Variants in BMERB1 observed in about 807,000 individuals in gnomAD.
BMERB1 encodes the protein bMERB domain-containing protein 1.
BMERB1 carries 12 observed loss-of-function variants against 23.6 expected under a neutral mutation model. The observed-to-expected ratio is 0.51, with a 90% CI of 0.33 to 0.82. The LOEUF is 0.82. BMERB1 is among the 40% of genes least tolerant of loss of function. The probability of loss-of-function intolerance (pLI) is 0.03; values close to 1 mark genes in which losing one functional copy is unlikely to be tolerated. For synonymous variants in BMERB1, 122 were observed against 96.6 expected (o/e 1.26, Z -1.54); for missense variants, 247 against 255.4 (o/e 0.97, Z 0.22).
chr16:15,514,025 C>G (rs115164473), intron 1 of BMERB1, among the ~76,000 whole-genome samples: 1 of 152,134 alleles, frequency 6.6e-6, no homozygotes, highest in African/African-American at 2.4e-5. Context: ...AATCCCAGCA[C>G]TTCAGGAGGC....
chr16:15,446,824 C>T (rs1166972442), intron 1 of BMERB1, among the ~76,000 whole-genome samples: 6 of 152,168 alleles, frequency 3.9e-5, no homozygotes, highest in Non-Finnish European at 7.3e-5. Context: ...CTACATCTCA[C>T]CACTTCAAAG....
In BMERB1 at chr16:15,444,123, GTTTTTTTTTTTT is replaced by G. The variant is rs150793082; in HGVS notation, c.106+9380_106+9391del. Among the ~76,000 whole-genome samples, 14 of 35,622 alleles carry G rather than the reference GTTTTTTTTTTTT, an allele frequency of 3.9e-4. No homozygotes were observed. In the South Asian group the frequency reaches 5.1e-3, roughly 13 times the overall value. The allele number at this position is 35,622 out of a possible 152,430, so 23.4% of individuals were successfully genotyped here. ...AGGCCAGGGTCCAGGCACCAGCTTT[GTTTTTTTTTTTT>G]TTTTTTTTTTTTTTTGGCTGTTTCT... On this transcript the variant is annotated intron_variant, in intron 1 of 5. Coordinates refer to ENST00000300006, the MANE Select transcript of BMERB1 (RefSeq NM_033201.3).
chr16:15,585,955 T>C (rs1596406393), intron 5 of BMERB1, among the ~76,000 whole-genome samples: 1 of 151,930 alleles, frequency 6.6e-6, no homozygotes, highest in East Asian at 1.9e-4. Context: ...GAAAATAAAC[T>C]AAGTACTTTT....
intron 2 of BMERB1, among the ~76,000 whole-genome samples, chr16:15,552,656 G>A (rs941244919): frequency 2.6e-5 from 4 of 152,230 alleles, no homozygotes; most frequent in African/African-American, 9.6e-5. Flanking sequence ...TCTGGTCTCA[G>A]TCGAAGCAGT....
intron 1 of BMERB1, among the ~76,000 whole-genome samples, chr16:15,503,343 G>A (rs1257829887): frequency 1.3e-5 from 2 of 151,802 alleles, no homozygotes; most frequent in Non-Finnish European, 1.5e-5. Context: ...GTGCAGTGGC[G>A]CGATCTCGGC....
chr16:15,477,030 G>A (rs1255765400), intron 1 of BMERB1, among the ~76,000 whole-genome samples: 1 of 152,150 alleles, frequency 6.6e-6, no homozygotes, highest in African/African-American at 2.4e-5. Flanking sequence ...AGAGTCCAAC[G>A]TGGGAGGATT....
intron 2 of BMERB1, among the ~76,000 whole-genome samples, chr16:15,534,449 G>T (rs998419407): frequency 6.6e-6 from 1 of 152,036 alleles, no homozygotes; most frequent in African/African-American, 2.4e-5. Context: ...AGCTATTAGG[G>T]AGGCTGAGGC....
chr16:15,532,128 C>T (rs2051973601), intron 2 of BMERB1, among the ~76,000 whole-genome samples: 1 of 152,206 alleles, frequency 6.6e-6, no homozygotes, highest in Admixed American at 6.5e-5. Flanking sequence ...TGTCTGTCCT[C>T]AGTCCCCTAA....
chr16:15,510,497 C>T (rs547664118), intron 1 of BMERB1, among the ~76,000 whole-genome samples: 2 of 152,208 alleles, frequency 1.3e-5, no homozygotes, highest in East Asian at 3.9e-4. Context: ...TTAAACGTGA[C>T]GTGCCGGGGT....
intron 1 of BMERB1, among the ~76,000 whole-genome samples, chr16:15,444,682 C>T (rs899112742): frequency 1.3e-5 from 2 of 152,136 alleles, no homozygotes; most frequent in African/African-American, 4.8e-5. Context: ...AGTATGAGTA[C>T]ATGGTGGTCC....
At chr16:15,526,246 C>T (rs188287322) in intron 2 of BMERB1, among the ~76,000 whole-genome samples, 21 of 152,222 alleles carry the variant, frequency 1.4e-4, no homozygotes, top group African/African-American at 2.4e-4. Context: ...ATAACTGCCT[C>T]GTTTGTGGTC....
intron 2 of BMERB1, among the ~76,000 whole-genome samples, chr16:15,557,837 G>A (rs1444630578): frequency 6.6e-6 from 1 of 152,140 alleles, no homozygotes; most frequent in Non-Finnish European, 1.5e-5. Flanking sequence ...ACGAGGTAAG[G>A]AGTTCAAGAC....
At chr16:15,515,520 C>T in intron 2 of BMERB1, 92 bp downstream of exon 2, 1 of 1,481,742 alleles carries the variant, frequency 6.7e-7, no homozygotes, top group Non-Finnish European at 8.9e-7. Context: ...GTGCCAGGCA[C>T]TGAGATAAAG....
At chr16:15,447,843 A>T in intron 1 of BMERB1, 1 of 455,968 alleles carries the variant, frequency 2.2e-6, no homozygotes, top group Non-Finnish European at 4.4e-6. Flanking sequence ...GACTGGCAAT[A>T]TGGGGCCATT....
At chr16:15,461,397 A>C (rs1391835449) in intron 1 of BMERB1, among the ~76,000 whole-genome samples, 2 of 151,726 alleles carry the variant, frequency 1.3e-5, no homozygotes, top group Non-Finnish European at 2.9e-5. Flanking sequence ...ATCTTACCGA[A>C]CCTTCTTTCC....
At chr16:15,488,212 T>G (rs560452526) in intron 1 of BMERB1, among the ~76,000 whole-genome samples, 2 of 152,254 alleles carry the variant, frequency 1.3e-5, no homozygotes, top group South Asian at 4.2e-4. Context: ...GGCATGGATG[T>G]GTTCTAATAA....
chr16:15,534,123 A>G (rs1360643643), intron 2 of BMERB1, among the ~76,000 whole-genome samples: 3 of 151,948 alleles, frequency 2.0e-5, no homozygotes, highest in Admixed American at 6.6e-5. Flanking sequence ...GAGCAATACA[A>G]TGAGGATCAC....
chr16:15,551,839 A>C (rs1417660224), intron 2 of BMERB1, among the ~76,000 whole-genome samples: 1 of 152,190 alleles, frequency 6.6e-6, no homozygotes, highest in African/African-American at 2.4e-5. Flanking sequence ...AGACAGCACA[A>C]GAGAAAATGA....
chr16:15,500,409 A>G (rs2150942969), intron 1 of BMERB1, among the ~76,000 whole-genome samples: 1 of 152,288 alleles, frequency 6.6e-6, no homozygotes, highest in Middle Eastern at 3.4e-3. Context: ...GGCCACCCAT[A>G]GGCTGCCAGG....
Sources: allele counts gnomAD v4.1 joint callset (sites outside exome capture counted in the v4.1 genomes callset), GRCh38; gene constraint gnomAD v4.1.1; transcripts MANE v1.5; gene names NCBI Gene and HGNC (gene_info 2026-07-23, HGNC 2026-07-21).